The following THSD4 variants were observed in gnomAD, a reference collection of about 807,000 sequenced individuals.
The protein encoded by THSD4 is thrombospondin type-1 domain-containing protein 4.
In THSD4, 69 loss-of-function variants were observed where a neutral mutation model predicts 119.0. The ratio of observed to expected loss-of-function variants is 0.58; its 90% CI spans 0.48 to 0.71. The LOEUF (loss-of-function observed/expected upper bound fraction) is 0.71. THSD4 is among the 30% of genes least tolerant of loss of function. The pLI is 0.00. For missense variants in THSD4, 1,393 were observed against 1,391.1 expected (o/e 1.00, Z -0.02); for synonymous variants, 524 against 540.4 (o/e 0.97, Z 0.42).
At chr15:71,275,852 T>A (rs1259975273) in intron 6 of THSD4, among the ~76,000 whole-genome samples, 2 of 152,210 alleles carry the variant, frequency 1.3e-5, no homozygotes, top group African/African-American at 4.8e-5. Context: ...TGAGGAGGGC[T>A]GTGTTTGCTT....
intron 1 of THSD4, among the ~76,000 whole-genome samples, chr15:71,129,852 C>G (rs1285307042): frequency 1.3e-5 from 2 of 152,204 alleles, no homozygotes; most frequent in Admixed American, 1.3e-4. Flanking sequence ...ATGCGCAAGC[C>G]TCAGGAGCAG....
intron 3 of THSD4, among the ~76,000 whole-genome samples, chr15:71,174,803 A>C (rs1227093372): frequency 6.6e-6 from 1 of 152,094 alleles, no homozygotes; most frequent in African/African-American, 2.4e-5. Context: ...GAACGTGCAG[A>C]CTGCCTCCTC....
intron 11 of THSD4, among the ~76,000 whole-genome samples, chr15:71,741,051 C>T (rs754122758): frequency 1.3e-5 from 2 of 152,180 alleles, no homozygotes; most frequent in Non-Finnish European, 1.5e-5. Context: ...ATCATCACCA[C>T]ATTTCAAATG....
chr15:71,682,697 T>C (rs2051809060), intron 8 of THSD4, among the ~76,000 whole-genome samples: 1 of 152,118 alleles, frequency 6.6e-6, no homozygotes, highest in African/African-American at 2.4e-5. Context: ...TTCATTTATT[T>C]AACATTGGAA....
intron 6 of THSD4, among the ~76,000 whole-genome samples, chr15:71,285,594 G>A (rs1208956796): frequency 3.3e-5 from 5 of 152,170 alleles, no homozygotes; most frequent in African/African-American, 1.2e-4. Flanking sequence ...GGTGGCTCAT[G>A]CCTGTAATCC....
chr15:71,635,072 C>T (rs1313625488), intron 7 of THSD4, among the ~76,000 whole-genome samples: 2 of 152,178 alleles, frequency 1.3e-5, no homozygotes, highest in African/African-American at 4.8e-5. Flanking sequence ...TTTAAAGCCT[C>T]TTCTCAGCAA....
chr15:71,619,995 G>A (rs985832923), intron 7 of THSD4, among the ~76,000 whole-genome samples: 10 of 152,316 alleles, frequency 6.6e-5, no homozygotes, highest in Non-Finnish European at 1.5e-4. Context: ...AAATTCAGGT[G>A]TAGTCCTAGA....
At chr15:71,666,097 A>G (rs1332598115) in intron 8 of THSD4, among the ~76,000 whole-genome samples, 2 of 152,164 alleles carry the variant, frequency 1.3e-5, no homozygotes, top group African/African-American at 2.4e-5. Context: ...TTTGGGCAGT[A>G]TAGCCATTTT....
At chr15:71,347,824 T>G (rs2140400651) in intron 6 of THSD4, among the ~76,000 whole-genome samples, 1 of 152,344 alleles carries the variant, frequency 6.6e-6, no homozygotes, top group South Asian at 2.1e-4. Context: ...TAACTTAACA[T>G]TGATCCTTCT....
Position 71,454,164 on chromosome 15 carries a change from G to A in THSD4, c.1152+42341G>A, listed in dbSNP as rs530154688. ...TCCAGCTACTTGGGAGGCTGAGGCA[G>A]GAGAATCGCTTGAACCCAGGAGGTG... On this transcript the variant is annotated intron_variant, in intron 7 of 17. Transcript: ENST00000261862. Among the ~76,000 whole-genome samples, 143 of 152,248 alleles carry A rather than the reference G, an allele frequency of 9.4e-4. No homozygotes were observed. In the Middle Eastern group the frequency reaches 0.01, roughly 11 times the overall value.
rs565116170 is a variant in THSD4 at position 71,559,128 on chromosome 15, C to T, written c.1153-101402C>T. 2.6e-5 allele frequency among the ~76,000 whole-genome samples: 4 copies of T among 152,178 alleles called. No homozygotes were observed. In the South Asian group the frequency reaches 8.3e-4, roughly 32 times the overall value. On this transcript the variant is annotated intron_variant, in intron 7 of 17. Coordinates refer to ENST00000261862, the MANE Select transcript of THSD4 (RefSeq NM_024817.3). ...AGTCTTCTGTGTCTTTTCTAATGTGCGCTGCCTCATCTGTCAGTATTCGAA... is the reference window on the plus strand; with the variant it reads ...AGTCTTCTGTGTCTTTTCTAATGTGTGCTGCCTCATCTGTCAGTATTCGAA...
chr15:71,558,182 A>G (rs2140874519), intron 7 of THSD4, among the ~76,000 whole-genome samples: 1 of 152,154 alleles, frequency 6.6e-6, no homozygotes, highest in Admixed American at 6.5e-5. Context: ...ACAAAAATTA[A>G]CCAGGCATGG....
chr15:71,396,450 A>G (rs933829031), intron 6 of THSD4, among the ~76,000 whole-genome samples: 3 of 152,048 alleles, frequency 2.0e-5, no homozygotes, highest in African/African-American at 7.2e-5. Flanking sequence ...GGTTTCCAAG[A>G]CCTTTACTTT....
At chr15:71,469,336 A>G (rs1313699753) in intron 7 of THSD4, among the ~76,000 whole-genome samples, 2 of 152,282 alleles carry the variant, frequency 1.3e-5, no homozygotes, top group South Asian at 2.1e-4. Context: ...GTTTCCACAC[A>G]CACATCCCAA....
At chr15:71,280,366 A>G (rs1417525466) in intron 6 of THSD4, among the ~76,000 whole-genome samples, 1 of 152,188 alleles carries the variant, frequency 6.6e-6, no homozygotes, top group Non-Finnish European at 1.5e-5. Flanking sequence ...GCAGGAGAGT[A>G]GTATGATCAG....
At chr15:71,576,686 G>A (rs2049453709) in intron 7 of THSD4, among the ~76,000 whole-genome samples, 2 of 152,142 alleles carry the variant, frequency 1.3e-5, no homozygotes, top group Non-Finnish European at 2.9e-5. Flanking sequence ...CTGCCTCAGT[G>A]TTAAGGACAC....
At chr15:71,465,689 C>G (rs909693007) in intron 7 of THSD4, among the ~76,000 whole-genome samples, 1 of 152,216 alleles carries the variant, frequency 6.6e-6, no homozygotes, top group Non-Finnish European at 1.5e-5. Flanking sequence ...TTCATCTCCC[C>G]TGTTGGGAAA....
At chr15:71,203,578 G>C (rs182698918) in intron 3 of THSD4, among the ~76,000 whole-genome samples, 2 of 152,288 alleles carry the variant, frequency 1.3e-5, no homozygotes, top group East Asian at 1.9e-4. Flanking sequence ...AGAATTGCTT[G>C]AACCTTGAAC....
intron 1 of THSD4, among the ~76,000 whole-genome samples, chr15:71,117,447 C>G (rs1029023516): frequency 6.6e-6 from 1 of 152,070 alleles, no homozygotes; most frequent in Non-Finnish European, 1.5e-5. Context: ...CTCCATGGTA[C>G]CACTTTTATC....
Sources: allele counts gnomAD v4.1 joint callset (sites outside exome capture counted in the v4.1 genomes callset), GRCh38; gene constraint gnomAD v4.1.1; transcripts MANE v1.5; gene names NCBI Gene and HGNC (gene_info 2026-07-23, HGNC 2026-07-21).